The following MYO1D variants were observed in gnomAD, a reference collection of about 807,000 sequenced individuals.
MYO1D encodes unconventional myosin-Id.
A neutral mutation model predicts 122.0 loss-of-function variants in MYO1D; 83 were observed. That is an observed-to-expected ratio of 0.68 (90% CI 0.57 to 0.82). The LOEUF is 0.82. Among genes scored for constraint, MYO1D ranks in the 40% least tolerant of loss-of-function variants. The pLI, the probability that MYO1D is intolerant of heterozygous loss-of-function variation, is 0.00. For missense variants in MYO1D, 1,157 were observed against 1,269.5 expected (o/e 0.91, Z 1.35); for synonymous variants, 464 against 446.9 (o/e 1.04, Z -0.48).
chr17:32,593,923 C>T (rs748699568), intron 21 of MYO1D, among the ~76,000 whole-genome samples: 11 of 152,132 alleles, frequency 7.2e-5, no homozygotes, highest in Middle Eastern at 3.2e-3. Context: ...GGTGACAGTG[C>T]GAGACTCCAT....
At chr17:32,828,248 G>A (rs1386888516) in intron 1 of MYO1D, among the ~76,000 whole-genome samples, 1 of 152,186 alleles carries the variant, frequency 6.6e-6, no homozygotes, top group African/African-American at 2.4e-5. Context: ...CGGGCGCAGT[G>A]GCTCACGCCT....
chr17:32,801,824 G>A (rs2090463742), intron 1 of MYO1D, among the ~76,000 whole-genome samples: 2 of 152,080 alleles, frequency 1.3e-5, no homozygotes, highest in South Asian at 2.1e-4. Flanking sequence ...TAAAGGAAAC[G>A]GCTGAATCCA....
intron 5 of MYO1D, among the ~76,000 whole-genome samples, chr17:32,772,045 G>C (rs1269028661): frequency 1.3e-5 from 2 of 152,142 alleles, no homozygotes; most frequent in Non-Finnish European, 2.9e-5. Flanking sequence ...CAAATGAGTA[G>C]TGTCTATTAA....
chr17:32,768,737 T>G (rs909666396), intron 6 of MYO1D, among the ~76,000 whole-genome samples: 1 of 152,130 alleles, frequency 6.6e-6, no homozygotes, highest in Non-Finnish European at 1.5e-5. Flanking sequence ...CATAATAACA[T>G]ATATCTTACA....
chr17:32,562,234 A>T (rs532855933), intron 21 of MYO1D, among the ~76,000 whole-genome samples: 110 of 151,722 alleles, frequency 7.3e-4, no homozygotes, highest in African/African-American at 2.5e-3. Context: ...TTCAATGAAC[A>T]TTTTTTTTGA....
chr17:32,536,031 T>C (rs1289266681), intron 21 of MYO1D, among the ~76,000 whole-genome samples: 2 of 150,798 alleles, frequency 1.3e-5, no homozygotes, highest in Non-Finnish European at 3.0e-5. Flanking sequence ...CTCTTTTTTT[T>C]GTTTTTTGTT....
At chr17:32,635,705 G>C (rs570146436) in intron 20 of MYO1D, among the ~76,000 whole-genome samples, 72 of 152,082 alleles carry the variant, frequency 4.7e-4, no homozygotes, top group Middle Eastern at 3.4e-3. Context: ...GTGGCGGGGG[G>C]GTGGAAAGAA....
At chr17:32,593,664 G>T (rs1053550221) in intron 21 of MYO1D, among the ~76,000 whole-genome samples, 1 of 152,192 alleles carries the variant, frequency 6.6e-6, no homozygotes, top group Non-Finnish European at 1.5e-5. Context: ...TTGGCTGGGC[G>T]TTGGGGCTCA....
At chr17:32,861,000 G>T (rs186462906) in intron 1 of MYO1D, among the ~76,000 whole-genome samples, 67 of 151,976 alleles carry the variant, frequency 4.4e-4, no homozygotes, top group African/African-American at 1.6e-3. Flanking sequence ...CTGCCCTAGG[G>T]CTACCTACTC....
chr17:32,638,686 A>G (rs910069827), intron 20 of MYO1D, 36 bp downstream of exon 20: 1 of 1,464,302 alleles, frequency 6.8e-7, no homozygotes, highest in Non-Finnish European at 9.6e-7. Context: ...CACCAGGTTA[A>G]GAATCTTTAT....
intron 14 of MYO1D, among the ~76,000 whole-genome samples, chr17:32,734,538 CTTG>C (rs1228674782): frequency 1.3e-5 from 2 of 152,058 alleles, no homozygotes; most frequent in Non-Finnish European, 2.9e-5. Context: ...TTCAGTCTTT[CTTG>C]TTATTTTACA....
intron 16 of MYO1D, among the ~76,000 whole-genome samples, chr17:32,660,857 T>C (rs1359427621): frequency 6.6e-6 from 1 of 152,180 alleles, no homozygotes; most frequent in Admixed American, 6.5e-5. Context: ...TTCTTTAGCA[T>C]CTTGAAAAGC....
chr17:32,755,134 T>A (rs1026013815), intron 11 of MYO1D, among the ~76,000 whole-genome samples: 14 of 152,218 alleles, frequency 9.2e-5, no homozygotes, highest in African/African-American at 3.1e-4. Flanking sequence ...CTATTTTCCA[T>A]GCCAGAATTA....
At chr17:32,638,864 G>C in intron 19 of MYO1D, 29 bp from the exon 20 acceptor site, 2 of 1,445,374 alleles carry the variant, frequency 1.4e-6, no homozygotes, top group Non-Finnish European at 1.9e-6. Context: ...ATAAACCATA[G>C]TATCTCATCA....
At chr17:32,785,889 T>A (rs1193142829) in intron 1 of MYO1D, among the ~76,000 whole-genome samples, 3 of 152,180 alleles carry the variant, frequency 2.0e-5, no homozygotes, top group Non-Finnish European at 2.9e-5. Flanking sequence ...AGTAATGATA[T>A]CTTGGCCCCC....
chr17:32,553,160 T>C (rs2087036489), intron 21 of MYO1D, among the ~76,000 whole-genome samples: 1 of 151,464 alleles, frequency 6.6e-6, no homozygotes. Context: ...GATATGTCCC[T>C]GGTGAATGTT....
At chr17:32,706,917 C>T (rs1342179489) in intron 16 of MYO1D, among the ~76,000 whole-genome samples, 1 of 151,914 alleles carries the variant, frequency 6.6e-6, no homozygotes, top group Non-Finnish European at 1.5e-5. Flanking sequence ...AGGATGGGCC[C>T]GATCTCCTGA....
intron 10 of MYO1D, 93 bp from the exon 11 acceptor site, chr17:32,755,755 A>C: frequency 8.8e-7 from 1 of 1,134,516 alleles, no homozygotes; most frequent in Non-Finnish European, 1.2e-6. Flanking sequence ...AGTTCAGGTA[A>C]AACTACTTTG....
At chr17:32,582,103 T>C (rs1368335463) in intron 21 of MYO1D, among the ~76,000 whole-genome samples, 1 of 151,824 alleles carries the variant, frequency 6.6e-6, no homozygotes, top group Non-Finnish European at 1.5e-5. Flanking sequence ...TTAGTAGAGA[T>C]AGGGTTTTAC....
Sources: allele counts gnomAD v4.1 joint callset (sites outside exome capture counted in the v4.1 genomes callset), GRCh38; gene constraint gnomAD v4.1.1; transcripts MANE v1.5; gene names NCBI Gene and HGNC (gene_info 2026-07-23, HGNC 2026-07-21).